Variants in PDE4D observed in about 807,000 individuals in gnomAD.
PDE4D encodes phosphodiesterase 4D.
Under a neutral mutation model 87.4 loss-of-function variants are expected in PDE4D, and 24 were observed. The observed-to-expected ratio is 0.27, with a 90% CI of 0.20 to 0.39. The LOEUF is 0.39. Ranked by LOEUF, PDE4D falls within the 10% of genes least tolerant of loss-of-function variation. The probability of loss-of-function intolerance (pLI) is 1.00; values close to 1 mark genes in which losing one functional copy is unlikely to be tolerated. For synonymous variants in PDE4D, 384 were observed against 383.2 expected (o/e 1.00, Z -0.02); for missense variants, 714 against 1,041.0 (o/e 0.69, Z 4.32).
chr5:59,133,231 T>A (rs1189768032), intron 5 of PDE4D, among the ~76,000 whole-genome samples: 1 of 152,170 alleles, frequency 6.6e-6, no homozygotes, highest in African/African-American at 2.4e-5. Flanking sequence ...AATTCATAGC[T>A]AGGATTCATG....
chr5:59,617,760 C>T (rs937998881), intron 1 of PDE4D, among the ~76,000 whole-genome samples: 2 of 152,198 alleles, frequency 1.3e-5, no homozygotes, highest in African/African-American at 4.8e-5. Context: ...TCGTAGAATT[C>T]TCACCTCCAT....
chr5:60,209,441 A>G (rs1215045372), intron 1 of PDE4D, among the ~76,000 whole-genome samples: 1 of 152,090 alleles, frequency 6.6e-6, no homozygotes, highest in Admixed American at 6.6e-5. Context: ...CATCTAAAAA[A>G]CAAACACACT....
At chr5:59,023,795 C>T (rs1755684163) in intron 6 of PDE4D, among the ~76,000 whole-genome samples, 1 of 152,090 alleles carries the variant, frequency 6.6e-6, no homozygotes, top group Non-Finnish European at 1.5e-5. Context: ...ACTGGTGTTT[C>T]CCAATGAGTT....
chr5:59,494,198 T>A (rs1484584415), intron 1 of PDE4D, among the ~76,000 whole-genome samples: 2 of 152,180 alleles, frequency 1.3e-5, no homozygotes, highest in Non-Finnish European at 2.9e-5. Flanking sequence ...GAAAATGTCA[T>A]CTAAGCTGCT....
chr5:60,324,285 T>A (rs923324306), intron 1 of PDE4D, among the ~76,000 whole-genome samples: 3 of 152,240 alleles, frequency 2.0e-5, no homozygotes, highest in African/African-American at 7.2e-5. Flanking sequence ...ATTGTTTGTC[T>A]AACATTTTAT....
At chr5:60,102,993 G>A (rs1165353900) in intron 2 of PDE4D, among the ~76,000 whole-genome samples, 1 of 149,272 alleles carries the variant, frequency 6.7e-6, no homozygotes, top group East Asian at 2.0e-4. Context: ...AAAAAAAACA[G>A]AAAACAGAAA....
At position 58,972,719 on chromosome 5, in the gene PDE4D, G is replaced by A. The variant is rs1381800252; in HGVS notation, c.*1945C>T. 2.6e-5 allele frequency: 4 copies of A among 152,130 alleles called. No individual in the cohort carries two copies. Among genetic ancestry groups the A allele is most frequent in the Non-Finnish European group, 4.4e-5 (3 of 68,020 alleles). 9.4% of individuals were successfully genotyped at this position (152,130 alleles called of 1,614,324 possible). ...GAGAAGGTAAAGAAGACTTTATTAA[G>A]GCTGACGTGGGGATAAAGTCAGAAT... is the stretch of plus-strand genomic sequence containing the variant. On this transcript the variant is annotated 3_prime_UTR_variant, in exon 15 of 15. Coordinates refer to ENST00000340635, the MANE Select transcript of PDE4D (RefSeq NM_001104631.2).
intron 1 of PDE4D, among the ~76,000 whole-genome samples, chr5:59,635,115 C>A (rs1454942208): frequency 6.6e-6 from 1 of 152,098 alleles, no homozygotes; most frequent in East Asian, 1.9e-4. Context: ...AACACCTCTA[C>A]ACAAATAAAC....
chr5:59,157,327 C>A (rs1423905787), intron 5 of PDE4D: 1 of 702,538 alleles, frequency 1.4e-6, no homozygotes. Flanking sequence ...TTTCACATGT[C>A]AAGTAACGTA....
intron 5 of PDE4D, among the ~76,000 whole-genome samples, chr5:59,150,403 T>A (rs192948101): frequency 6.6e-6 from 1 of 152,342 alleles, no homozygotes; most frequent in East Asian, 1.9e-4. Context: ...ACTGGACTTC[T>A]GGGCTTCCAT....
intron 1 of PDE4D, among the ~76,000 whole-genome samples, chr5:59,593,172 T>C (rs1312826687): frequency 6.6e-6 from 1 of 152,086 alleles, no homozygotes; most frequent in Non-Finnish European, 1.5e-5. Flanking sequence ...TTCATTTATA[T>C]CTTAAGCTTT....
At chr5:59,762,477 CATATGTGT>C (rs1363452121) in intron 1 of PDE4D, among the ~76,000 whole-genome samples, 40 of 124,306 alleles carry the variant, frequency 3.2e-4, no homozygotes, top group African/African-American at 1.2e-3. Flanking sequence ...TATGGGTACA[CATATGTGT>C]ATATGTGTAT....
intron 1 of PDE4D, among the ~76,000 whole-genome samples, chr5:59,283,366 C>T (rs1231827789): frequency 2.0e-5 from 3 of 152,086 alleles, no homozygotes; most frequent in Admixed American, 2.0e-4. Context: ...TTCCTGACTT[C>T]TATTTTACAC....
At chr5:60,322,633 C>T (rs1437975865) in intron 1 of PDE4D, among the ~76,000 whole-genome samples, 3 of 152,158 alleles carry the variant, frequency 2.0e-5, no homozygotes, top group Admixed American at 2.0e-4. Flanking sequence ...CTAACACTAC[C>T]CGTTACCTAT....
Position 59,563,503 on chromosome 5 carries a change from A to G in PDE4D, c.455+329665T>C, listed in dbSNP as rs1032521534. Among the ~76,000 whole-genome samples, 9 of 152,348 alleles carry G rather than the reference A, an allele frequency of 5.9e-5. No homozygotes were observed. The East Asian group carries it at 1.7e-3, about 29-fold the overall frequency. ...AAAGGACCCTTACAGGTTGTGAAGG[A>G]ATTATAAGTGACCATTAGTGAGTGG... On this transcript the variant is annotated intron_variant, in intron 1 of 14. Transcript: ENST00000340635.
At chr5:60,336,033 T>C (rs1245929990) in intron 1 of PDE4D, among the ~76,000 whole-genome samples, 3 of 152,028 alleles carry the variant, frequency 2.0e-5, no homozygotes, top group African/African-American at 7.2e-5. Context: ...ACAGGGTAGG[T>C]TATTGGAGAG....
chr5:59,049,341 T>C (rs1259887104), intron 5 of PDE4D, among the ~76,000 whole-genome samples: 1 of 152,218 alleles, frequency 6.6e-6, no homozygotes. Context: ...ACAGTAATAC[T>C]GGCCTGGGTG....
At chr5:59,367,227 G>A (rs1783207926) in intron 1 of PDE4D, among the ~76,000 whole-genome samples, 1 of 152,150 alleles carries the variant, frequency 6.6e-6, no homozygotes, top group Admixed American at 6.6e-5. Flanking sequence ...AAAAGTTAAT[G>A]TTAATACTTT....
At chr5:59,974,769 C>A (rs1387193788) in intron 3 of PDE4D, among the ~76,000 whole-genome samples, 1 of 152,192 alleles carries the variant, frequency 6.6e-6, no homozygotes, top group East Asian at 1.9e-4. Context: ...GTTCTTTCAA[C>A]TTCTTATCCC....
Sources: gnomAD v4.1 joint callset for allele counts (sites outside exome capture counted in the v4.1 genomes callset) on GRCh38, gnomAD v4.1.1 for gene constraint, MANE v1.5 for transcripts, NCBI Gene and HGNC (gene_info 2026-07-23, HGNC 2026-07-21) for gene names.